The following TOX variants were observed in gnomAD, a reference collection of about 807,000 sequenced individuals.
The protein encoded by TOX is thymocyte selection associated high mobility group box, also known as thymocyte selection-associated high mobility group box protein TOX.
Under a neutral mutation model 53.7 loss-of-function variants are expected in TOX, and 11 were observed. That is an observed-to-expected ratio of 0.20 (90% CI 0.13 to 0.34). The LOEUF (loss-of-function observed/expected upper bound fraction) is 0.34. Ranked by LOEUF, TOX falls within the 10% of genes least tolerant of loss-of-function variation. TOX has a pLI of 1.00. For synonymous variants in TOX, 225 were observed against 245.3 expected (o/e 0.92, Z 0.77); for missense variants, 570 against 664.6 (o/e 0.86, Z 1.56).
chr8:58,923,124 G>A (rs1416026807), intron 3 of TOX, among the ~76,000 whole-genome samples: 1 of 152,066 alleles, frequency 6.6e-6, no homozygotes, highest in Admixed American at 6.5e-5. Flanking sequence ...GGTACAATGA[G>A]GAGTCACTGA....
intron 3 of TOX, among the ~76,000 whole-genome samples, chr8:58,884,720 T>C (rs931429165): frequency 1.3e-5 from 2 of 152,158 alleles, no homozygotes; most frequent in East Asian, 1.9e-4. Context: ...ACTGTCCTTA[T>C]AAAGGCTTTA....
At chr8:58,975,741 T>C (rs1813085360) in intron 1 of TOX, among the ~76,000 whole-genome samples, 1 of 152,042 alleles carries the variant, frequency 6.6e-6, no homozygotes. Context: ...TCAGGGGTGG[T>C]GGCTGCTGAA....
intron 1 of TOX, among the ~76,000 whole-genome samples, chr8:58,976,269 A>G (rs1813098486): frequency 6.6e-6 from 1 of 152,250 alleles, no homozygotes; most frequent in Non-Finnish European, 1.5e-5. Flanking sequence ...TATTTCAACA[A>G]TGTTCACAGC....
In TOX at chr8:58,827,474, G is replaced by A. The variant is rs946531857; in HGVS notation, c.925-572C>T. Among the ~76,000 whole-genome samples the A allele has an allele frequency of 4.2e-4, 64 of 152,294 alleles. 1 individual carries two copies. The highest frequency in any genetic ancestry group is 3.4e-3 in the Middle Eastern group (1 of 294). On this transcript the variant is annotated intron_variant, in intron 5 of 8. Transcript: ENST00000361421. The stretch of plus-strand genomic sequence containing the variant: ...AAACAGTGATGGTGATTAAGGACAC[G>A]TTTGGGAGAGGAATGGGAAGCCCAA...
chr8:58,924,413 AT>A (rs1812121604), intron 3 of TOX, among the ~76,000 whole-genome samples: 1 of 152,238 alleles, frequency 6.6e-6, no homozygotes. Flanking sequence ...TCACTCGAAG[AT>A]TCTCAAAGCC....
At chr8:58,827,644 C>G (rs567880989) in intron 5 of TOX, among the ~76,000 whole-genome samples, 3 of 152,266 alleles carry the variant, frequency 2.0e-5, no homozygotes, top group African/African-American at 7.2e-5. Context: ...TTTACAGAAG[C>G]TTTCCATTTC....
chr8:59,038,159 ATTTAT>A (rs1803507691), intron 1 of TOX, among the ~76,000 whole-genome samples: 1 of 152,352 alleles, frequency 6.6e-6, no homozygotes, highest in Admixed American at 6.5e-5. Context: ...AACTCAGGCA[ATTTAT>A]TTTAACTGAA....
rs191002706 is a variant in TOX at position 58,946,463 on chromosome 8, T to G, written c.169-6919A>C. On this transcript the variant is annotated intron_variant, in intron 2 of 8. Transcript: ENST00000361421. Reference sequence around the variant, plus strand: ...GGGTTGATAGCTTGGGACTATAATGTATTACTGTGGAAAGCTTCGGTCTGT... The same window carrying G: ...GGGTTGATAGCTTGGGACTATAATGGATTACTGTGGAAAGCTTCGGTCTGT... 3.4e-3 allele frequency among the ~76,000 whole-genome samples: 524 copies of G among 152,308 alleles called. 3 individuals carry two copies. The highest frequency in any genetic ancestry group is 0.012 in the African/African-American group (495 of 41,574).
chr8:58,984,570 A>T (rs1813287287), intron 1 of TOX, among the ~76,000 whole-genome samples: 2 of 152,028 alleles, frequency 1.3e-5, no homozygotes, highest in Non-Finnish European at 2.9e-5. Flanking sequence ...AGGCGGGCAG[A>T]TCACAAGGTC....
At position 58,807,601 on chromosome 8, in the gene TOX, T is replaced by C; in HGVS notation, c.*146A>G. 1.4e-6 allele frequency: 1 copy of C among 725,778 alleles called. No homozygotes were observed. Among genetic ancestry groups the C allele is most frequent in the Non-Finnish European group, 2.3e-6 (1 of 440,582 alleles). The allele number at this position is 725,778 out of a possible 1,614,324, so 45.0% of individuals were successfully genotyped here. On this transcript the variant is annotated 3_prime_UTR_variant, in exon 9 of 9. Coordinates refer to ENST00000361421, the MANE Select transcript of TOX (RefSeq NM_014729.3). ...AGAAGCATGACTATTTCTTCCAGAGTGGGTGACCCACAAGCTCAAATGGTC... is the reference window on the plus strand; with the variant it reads ...AGAAGCATGACTATTTCTTCCAGAGCGGGTGACCCACAAGCTCAAATGGTC...
At chr8:58,853,982 T>C (rs1203078766) in intron 3 of TOX, among the ~76,000 whole-genome samples, 1 of 152,168 alleles carries the variant, frequency 6.6e-6, no homozygotes, top group Non-Finnish European at 1.5e-5. Context: ...TTTAGACCCT[T>C]AGCATGCAGA....
chr8:59,114,316 C>A (rs1427472222), intron 1 of TOX, among the ~76,000 whole-genome samples: 1 of 152,120 alleles, frequency 6.6e-6, no homozygotes, highest in East Asian at 1.9e-4. Flanking sequence ...AACATCAGAT[C>A]CCTCTATAGC....
intron 1 of TOX, among the ~76,000 whole-genome samples, chr8:59,059,457 A>T (rs1803940914): frequency 6.6e-6 from 1 of 152,206 alleles, no homozygotes. Context: ...AAGTTACTAA[A>T]GATACAGAAT....
intron 1 of TOX, among the ~76,000 whole-genome samples, chr8:59,100,754 G>A (rs1586019604): frequency 1.3e-5 from 2 of 152,098 alleles, no homozygotes; most frequent in South Asian, 4.2e-4. Flanking sequence ...AATATCCTGA[G>A]CTTATGAACA....
chr8:59,116,077 G>GA (rs1273856165), intron 1 of TOX, among the ~76,000 whole-genome samples: 4 of 152,126 alleles, frequency 2.6e-5, no homozygotes, highest in Middle Eastern at 3.4e-3. Context: ...TTCTGACATT[G>GA]AAAAAAATGT....
intron 1 of TOX, among the ~76,000 whole-genome samples, chr8:59,033,096 G>A (rs1308787504): frequency 1.3e-5 from 2 of 151,992 alleles, no homozygotes; most frequent in Non-Finnish European, 1.5e-5. Flanking sequence ...GCTAAGAGAA[G>A]TTAAGATTCA....
At chr8:58,991,122 G>A (rs996465078) in intron 1 of TOX, among the ~76,000 whole-genome samples, 16 of 152,154 alleles carry the variant, frequency 1.1e-4, no homozygotes, top group Non-Finnish European at 2.2e-4. Flanking sequence ...TCCCAGAGTC[G>A]ACATTGTCAC....
At chr8:59,010,940 T>C (rs1813894058) in intron 1 of TOX, among the ~76,000 whole-genome samples, 1 of 152,142 alleles carries the variant, frequency 6.6e-6, no homozygotes, top group African/African-American at 2.4e-5. Context: ...TGAATCACAG[T>C]CATAACAGTC....
At position 58,956,550 on chromosome 8, in the gene TOX, G is replaced by T. The variant is rs1056398557; in HGVS notation, c.168+3393C>A. ...TCTTGCAGTTACCTATTTTGTGTGT[G>T]TGTGGCAAGAACAGCTAAAATGTAC... On this transcript the variant is annotated intron_variant, in intron 2 of 8. Transcript: ENST00000361421. Among the ~76,000 whole-genome samples the T allele has an allele frequency of 2.6e-5, 4 of 152,188 alleles. No homozygotes were observed. In the East Asian group the frequency reaches 7.7e-4, roughly 29 times the overall value.
Sources: allele counts gnomAD v4.1 joint callset (sites outside exome capture counted in the v4.1 genomes callset), GRCh38; gene constraint gnomAD v4.1.1; transcripts MANE v1.5; gene names NCBI Gene and HGNC (gene_info 2026-07-23, HGNC 2026-07-21).